Variants in CALN1 observed in about 807,000 individuals in gnomAD.
CALN1 encodes the protein calcium-binding protein 8.
A neutral mutation model predicts 30.6 loss-of-function variants in CALN1; 17 were observed. That is an observed-to-expected ratio of 0.56 (90% CI 0.38 to 0.83). The LOEUF (loss-of-function observed/expected upper bound fraction) is 0.83, where lower values mean the gene tolerates loss of function less well. Ranked by LOEUF, CALN1 falls within the 40% of genes least tolerant of loss-of-function variation. The pLI is 0.00. For synonymous variants in CALN1, 156 were observed against 131.4 expected (o/e 1.19, Z -1.28); for missense variants, 291 against 354.9 (o/e 0.82, Z 1.45).
chr7:72,058,963 AG>A (rs1803465433), intron 4 of CALN1, among the ~76,000 whole-genome samples: 1 of 152,192 alleles, frequency 6.6e-6, no homozygotes. Context: ...GTTTCGTTGA[AG>A]ATTCAAGGTT....
chr7:71,952,486 T>C (rs1796741992), intron 5 of CALN1, among the ~76,000 whole-genome samples: 2 of 152,204 alleles, frequency 1.3e-5, no homozygotes, highest in African/African-American at 2.4e-5. Flanking sequence ...GGGGCCCACA[T>C]AGGCTTGTCC....
intron 1 of CALN1, among the ~76,000 whole-genome samples, chr7:72,411,614 A>G (rs1021603310): frequency 6.6e-6 from 1 of 152,238 alleles, no homozygotes; most frequent in African/African-American, 2.4e-5. Flanking sequence ...CTTCCGGCTA[A>G]GTAATCAGCT....
chr7:72,345,306 A>C (rs943897976), intron 2 of CALN1, among the ~76,000 whole-genome samples: 2 of 150,742 alleles, frequency 1.3e-5, no homozygotes, highest in African/African-American at 4.9e-5. Flanking sequence ...TGGTTTAAAA[A>C]AAAAAATAGC....
At chr7:71,982,566 C>T (rs1047868532) in intron 5 of CALN1, among the ~76,000 whole-genome samples, 1 of 152,174 alleles carries the variant, frequency 6.6e-6, no homozygotes, top group African/African-American at 2.4e-5. Flanking sequence ...TGCACTCCAG[C>T]CTGGGCCATA....
At chr7:72,408,296 T>C (rs929652788) in intron 1 of CALN1, among the ~76,000 whole-genome samples, 1 of 143,508 alleles carries the variant, frequency 7.0e-6, no homozygotes, top group South Asian at 2.2e-4. Context: ...AAAAAATTAG[T>C]AGTGCGTGGT....
At chr7:72,050,179 G>C (rs908493838) in intron 4 of CALN1, among the ~76,000 whole-genome samples, 1 of 152,058 alleles carries the variant, frequency 6.6e-6, no homozygotes, top group Non-Finnish European at 1.5e-5. Flanking sequence ...TCAGATATTA[G>C]GTGACCTCTG....
At chr7:71,815,782 C>T (rs1369399365) in intron 5 of CALN1, among the ~76,000 whole-genome samples, 1 of 139,462 alleles carries the variant, frequency 7.2e-6, no homozygotes, top group Non-Finnish European at 1.6e-5. Flanking sequence ...CCCCCTCCCC[C>T]TTTCCTCCCT....
At chr7:72,156,076 G>A (rs1250596264) in intron 3 of CALN1, among the ~76,000 whole-genome samples, 1 of 152,102 alleles carries the variant, frequency 6.6e-6, no homozygotes, top group African/African-American at 2.4e-5. Context: ...TCCAAGGTTA[G>A]GACATGAACA....
intron 3 of CALN1, among the ~76,000 whole-genome samples, chr7:72,220,175 A>C (rs1484775591): frequency 7.1e-6 from 1 of 141,492 alleles, no homozygotes; most frequent in Non-Finnish European, 1.5e-5. Flanking sequence ...ATATCTCCAA[A>C]TGCTATCCCT....
Position 71,810,203 on chromosome 7 carries a change from A to G in CALN1, c.658+133T>C, listed in dbSNP as rs546402820. 20 of 859,560 alleles carry G rather than the reference A, an allele frequency of 2.3e-5. No homozygotes were observed. In the Admixed American group the frequency reaches 4.0e-4, roughly 17 times the overall value. The allele number at this position is 859,560 out of a possible 1,614,324, so 53.2% of individuals were successfully genotyped here. A position where few individuals can be genotyped will look rare whatever the true frequency, so the allele number is the denominator to read the frequency against. Reference sequence around the variant, plus strand: ...CTTAGCAAAAAAGATCTTTAACCTCAGTCCTGGATTTTTGGCTTCAGTACA... The same window carrying G: ...CTTAGCAAAAAAGATCTTTAACCTCGGTCCTGGATTTTTGGCTTCAGTACA... On this transcript the variant is annotated intron_variant, in intron 6 of 6. Coordinates refer to ENST00000395275, the MANE Select transcript of CALN1 (RefSeq NM_031468.4).
intron 4 of CALN1, among the ~76,000 whole-genome samples, chr7:72,046,013 A>T (rs1802445675): frequency 6.6e-6 from 1 of 151,236 alleles, no homozygotes; most frequent in Non-Finnish European, 1.5e-5. Context: ...AAAAAAAAAA[A>T]AAAGGATTCA....
chr7:72,316,988 AAAAAGG>A (rs1007007586), intron 2 of CALN1, among the ~76,000 whole-genome samples: 4 of 150,474 alleles, frequency 2.7e-5, no homozygotes, highest in African/African-American at 9.8e-5. Flanking sequence ...GAAAGGAAAA[AAAAAGG>A]AAAGGAAAGG....
At chr7:72,062,525 A>AAAAAAAAAG (rs1803732143) in intron 4 of CALN1, among the ~76,000 whole-genome samples, 2 of 148,132 alleles carry the variant, frequency 1.4e-5, no homozygotes, top group African/African-American at 5.2e-5. Flanking sequence ...AAAAAAAAAA[A>AAAAAAAAAG]AAAAAGAAAA....
intron 5 of CALN1, among the ~76,000 whole-genome samples, chr7:71,836,218 T>C (rs1354992979): frequency 2.0e-5 from 3 of 152,182 alleles, no homozygotes; most frequent in Non-Finnish European, 4.4e-5. Context: ...TCAGGGTCAA[T>C]GCTTCTTGTG....
intron 2 of CALN1, among the ~76,000 whole-genome samples, chr7:72,398,296 A>C (rs982823987): frequency 6.6e-6 from 1 of 152,194 alleles, no homozygotes; most frequent in African/African-American, 2.4e-5. Context: ...AGCTATTCAG[A>C]GCAGGGGTGG....
the CALN1 span, among the ~76,000 whole-genome samples, chr7:72,477,067 T>C: frequency 7.2e-5 from 11 of 152,220 alleles, no homozygotes; most frequent in East Asian, 2.1e-3. Flanking sequence ...AAAAACTAGC[T>C]GGGCGTGGTG....
chr7:72,240,511 C>T (rs958413195), intron 3 of CALN1, among the ~76,000 whole-genome samples: 3 of 152,134 alleles, frequency 2.0e-5, no homozygotes, highest in African/African-American at 7.2e-5. Flanking sequence ...TGCTGAATAG[C>T]TTCCAAAGCC....
rs182990117 is a variant in CALN1, at chr7:72,030,707, G to A, written c.389-6938C>T. On this transcript the variant is annotated intron_variant, in intron 4 of 6. Coordinates refer to ENST00000395275, the MANE Select transcript of CALN1 (RefSeq NM_031468.4). ...ATAATATCTAACATTTACTGGGCAC[G>A]CACAACGTGGTGGACATGGTTTTTT... 9.9e-4 allele frequency among the ~76,000 whole-genome samples: 151 copies of A among 152,174 alleles called. 1 individual carries two copies. Among genetic ancestry groups the A allele is most frequent in the Admixed American group, 3.8e-3 (58 of 15,298 alleles).
At chr7:71,945,518 G>GA (rs2129523353) in intron 5 of CALN1, among the ~76,000 whole-genome samples, 1 of 152,334 alleles carries the variant, frequency 6.6e-6, no homozygotes, top group South Asian at 2.1e-4. Flanking sequence ...TACACAGCAG[G>GA]AGGTGAGTGG....
Sources: gnomAD v4.1 joint callset for allele counts (sites outside exome capture counted in the v4.1 genomes callset) on GRCh38, gnomAD v4.1.1 for gene constraint, MANE v1.5 for transcripts, NCBI Gene and HGNC (gene_info 2026-07-23, HGNC 2026-07-21) for gene names.